Variants in KIAA0825 observed in about 807,000 individuals in gnomAD.
The protein encoded by KIAA0825 is uncharacterized protein KIAA0825.
A neutral mutation model predicts 147.6 loss-of-function variants in KIAA0825; 119 were observed. The ratio of observed to expected loss-of-function variants is 0.81; its 90% CI spans 0.69 to 0.94. The LOEUF (loss-of-function observed/expected upper bound fraction) is 0.94, where lower values mean the gene tolerates loss of function less well. Ranked by LOEUF, KIAA0825 falls within the 40% of genes least tolerant of loss-of-function variation. The probability of loss-of-function intolerance (pLI) is 0.00; values close to 1 mark genes in which losing one functional copy is unlikely to be tolerated. For synonymous variants in KIAA0825, 470 were observed against 518.1 expected (o/e 0.91, Z 1.26); for missense variants, 1,381 against 1,472.7 (o/e 0.94, Z 1.02).
At chr5:94,513,893 T>G (rs1402291644) in intron 5 of KIAA0825, among the ~76,000 whole-genome samples, 2 of 151,978 alleles carry the variant, frequency 1.3e-5, no homozygotes, top group Non-Finnish European at 1.5e-5. Flanking sequence ...TCAGACTTTT[T>G]GTTTATCTTA....
chr5:94,188,095 C>T (rs1770312367), intron 20 of KIAA0825, among the ~76,000 whole-genome samples: 1 of 152,156 alleles, frequency 6.6e-6, no homozygotes, highest in African/African-American at 2.4e-5. Context: ...GAGAAGTTGG[C>T]TGTCTACAAC....
intron 1 of KIAA0825, among the ~76,000 whole-genome samples, chr5:94,616,229 T>C (rs1790442452): frequency 6.6e-6 from 1 of 152,212 alleles, no homozygotes; most frequent in Admixed American, 6.5e-5. Flanking sequence ...AGGCTAGCTA[T>C]ACCTATACAG....
At chr5:94,351,731 C>T (rs1365015766) in intron 20 of KIAA0825, among the ~76,000 whole-genome samples, 10 of 152,086 alleles carry the variant, frequency 6.6e-5, no homozygotes, top group African/African-American at 2.4e-4. Flanking sequence ...GGTACTGGTA[C>T]AAAAATAGGC....
chr5:94,593,380 T>C, intron 1 of KIAA0825: 1 of 1,012,434 alleles, frequency 9.9e-7, no homozygotes, highest in South Asian at 1.4e-5. Context: ...TTCTTTAATA[T>C]CACGACATTT....
intron 20 of KIAA0825, among the ~76,000 whole-genome samples, chr5:94,180,857 A>G (rs1362601780): frequency 1.3e-5 from 2 of 151,696 alleles, no homozygotes; most frequent in Non-Finnish European, 2.9e-5. Flanking sequence ...TATTTTTTTC[A>G]GAGTGATTTT....
intron 20 of KIAA0825, among the ~76,000 whole-genome samples, chr5:94,190,105 A>G (rs547726952): frequency 1.3e-5 from 2 of 152,310 alleles, no homozygotes; most frequent in African/African-American, 4.8e-5. Context: ...ATATAGAAAT[A>G]CCAGTTTTTA....
chr5:94,223,636 A>C (rs1387642161), intron 20 of KIAA0825, among the ~76,000 whole-genome samples: 3 of 152,216 alleles, frequency 2.0e-5, no homozygotes, highest in African/African-American at 7.2e-5. Flanking sequence ...ATGATGTACA[A>C]ATATGCTAAA....
At chr5:94,333,813 C>T (rs1327308901) in intron 20 of KIAA0825, among the ~76,000 whole-genome samples, 1 of 152,040 alleles carries the variant, frequency 6.6e-6, no homozygotes, top group Middle Eastern at 3.2e-3. Flanking sequence ...ATAACAGACA[C>T]ACAGAGAGCC....
chr5:94,448,981 G>T (rs1383980810), intron 13 of KIAA0825, among the ~76,000 whole-genome samples: 1 of 152,136 alleles, frequency 6.6e-6, no homozygotes, highest in Non-Finnish European at 1.5e-5. Context: ...TTTCTAAGCA[G>T]ATTATATGGA....
chr5:94,321,245 C>T (rs576257912), intron 20 of KIAA0825, among the ~76,000 whole-genome samples: 1 of 151,998 alleles, frequency 6.6e-6, no homozygotes, highest in African/African-American at 2.4e-5. Flanking sequence ...AATACTAAAG[C>T]CCTTTGAGAG....
intron 5 of KIAA0825, among the ~76,000 whole-genome samples, chr5:94,490,370 A>T (rs1763588846): frequency 6.6e-6 from 1 of 152,186 alleles, no homozygotes; most frequent in African/African-American, 2.4e-5. Flanking sequence ...ATAATTACAG[A>T]TGTTTTTAAG....
intron 20 of KIAA0825, among the ~76,000 whole-genome samples, chr5:94,351,658 C>G (rs1168514611): frequency 6.6e-6 from 1 of 152,182 alleles, no homozygotes; most frequent in African/African-American, 2.4e-5. Flanking sequence ...AAGAACTAAT[C>G]TGGAGGCATC....
chr5:94,174,388 T>A (rs1243088243), intron 20 of KIAA0825, among the ~76,000 whole-genome samples: 3 of 152,100 alleles, frequency 2.0e-5, no homozygotes, highest in Non-Finnish European at 2.9e-5. Context: ...TATATATATT[T>A]AAAATGCTTA....
In KIAA0825 at chr5:94,551,633, G is replaced by C. The variant is rs573039267; in HGVS notation, c.-1-14506C>G. ...CCAGCAAACCTATCCTTCAGAAATG[G>C]AGAAACAGTCTTTCCCAGGCAAGCA... On this transcript the variant is annotated intron_variant, in intron 2 of 20. Transcript: ENST00000682413. Among the ~76,000 whole-genome samples the C allele has an allele frequency of 2.7e-3, 412 of 152,098 alleles. 1 individual carries two copies. Among genetic ancestry groups the C allele is most frequent in the Middle Eastern group, 0.01 (3 of 292 alleles).
intron 20 of KIAA0825, among the ~76,000 whole-genome samples, chr5:94,333,230 A>G (rs1192498688): frequency 1.3e-5 from 2 of 152,166 alleles, no homozygotes; most frequent in African/African-American, 4.8e-5. Context: ...CTTTAGTTTA[A>G]TTAGATCCCA....
chr5:94,617,981 T>G (rs1791030684), intron 1 of KIAA0825: 1 of 152,260 alleles, frequency 6.6e-6, no homozygotes, highest in Admixed American at 6.5e-5. Context: ...ACAAAGACCG[T>G]TCTTCTCATC....
chr5:94,318,198 T>G (rs987764682), intron 20 of KIAA0825, among the ~76,000 whole-genome samples: 3 of 151,650 alleles, frequency 2.0e-5, no homozygotes, highest in Admixed American at 6.6e-5. Context: ...ATGTCTAGTT[T>G]GCACATTTCC....
chr5:94,585,174 A>G (rs2152375451), intron 1 of KIAA0825, among the ~76,000 whole-genome samples: 1 of 152,360 alleles, frequency 6.6e-6, no homozygotes, highest in East Asian at 1.9e-4. Flanking sequence ...CGACAGGATC[A>G]AATTCACACA....
chr5:94,186,114 A>T (rs1770095733), intron 20 of KIAA0825, among the ~76,000 whole-genome samples: 1 of 152,204 alleles, frequency 6.6e-6, no homozygotes, highest in South Asian at 2.1e-4. Flanking sequence ...ACATTAATAT[A>T]TCTGCAGCAA....
Sources: gnomAD v4.1 joint callset for allele counts (sites outside exome capture counted in the v4.1 genomes callset) on GRCh38, gnomAD v4.1.1 for gene constraint, MANE v1.5 for transcripts, NCBI Gene and HGNC (gene_info 2026-07-23, HGNC 2026-07-21) for gene names.